The following RBM33 variants were observed in gnomAD, a reference collection of about 807,000 sequenced individuals.
RBM33 encodes RNA binding motif protein 33.
RBM33 carries 28 observed loss-of-function variants against 132.6 expected under a neutral mutation model. That is an observed-to-expected ratio of 0.21 (90% CI 0.16 to 0.29). The LOEUF is 0.29. RBM33 is among the 10% of genes least tolerant of loss of function. The probability of loss-of-function intolerance (pLI) is 1.00; values close to 1 mark genes in which losing one functional copy is unlikely to be tolerated. For synonymous variants in RBM33, 634 were observed against 593.0 expected, an observed-to-expected ratio of 1.07 and a Z score of -1.01; for missense variants, 1,291 against 1,518.5, an observed-to-expected ratio of 0.85 and a Z score of 2.49.
At chr7:155,680,561 C>CT (rs147986860) in intron 4 of RBM33, 29 bp from the exon 5 acceptor site, 17,624 of 1,041,264 alleles carry the variant, frequency 0.017, no homozygotes, top group South Asian at 0.028. Flanking sequence ...TCATTGGGTG[C>CT]TTTTTTTTTT....
intron 11 of RBM33, 154 bp from the exon 12 acceptor site, chr7:155,739,561 A>C (rs776718260): frequency 4.0e-6 from 3 of 743,272 alleles, no homozygotes; most frequent in African/African-American, 3.6e-5. Context: ...ACTGCATTTT[A>C]GATAGTATTA....
At chr7:155,720,463 G>A (rs1032734020) in intron 9 of RBM33, among the ~76,000 whole-genome samples, 9 of 152,046 alleles carry the variant, frequency 5.9e-5, no homozygotes, top group East Asian at 1.9e-4. Flanking sequence ...GCTACCTCTC[G>A]TTGTTTTACT....
chr7:155,644,799 T>C lies in RBM33; in HGVS notation c.-78T>C, dbSNP rs1410956310. ...TCCCTTCTCTGTCCTCCGTCACCCG[T>C]ACCCGGGCCCGGACCAGGCACGTCG... On this transcript the variant is annotated 5_prime_UTR_variant, in exon 1 of 18. Transcript: ENST00000401878. 2.4e-6 allele frequency: 3 copies of C among 1,258,934 alleles called. No individual in the cohort carries two copies. The African/African-American group carries it at 4.7e-5, about 20-fold the overall frequency. The allele number at this position is 1,258,934 out of a possible 1,614,324, so 78.0% of individuals were successfully genotyped here. A position where few individuals can be genotyped will look rare whatever the true frequency, so the allele number is the denominator to read the frequency against.
intron 9 of RBM33, among the ~76,000 whole-genome samples, chr7:155,736,796 C>A (rs1801139902): frequency 6.6e-6 from 1 of 152,186 alleles, no homozygotes; most frequent in Non-Finnish European, 1.5e-5. Context: ...AGATAAATGT[C>A]ATGACATTTA....
At chr7:155,675,281 G>A (rs1462160229) in intron 3 of RBM33, among the ~76,000 whole-genome samples, 1 of 137,856 alleles carries the variant, frequency 7.3e-6, no homozygotes, top group Non-Finnish European at 1.5e-5. Flanking sequence ...GAGACGGAGT[G>A]AGACTCCGTC....
chr7:155,691,657 T>A (rs1195326043), intron 5 of RBM33, among the ~76,000 whole-genome samples: 1 of 152,204 alleles, frequency 6.6e-6, no homozygotes, highest in Non-Finnish European at 1.5e-5. Context: ...AGTATTATCA[T>A]TGCCTGGGTG....
intron 2 of RBM33, among the ~76,000 whole-genome samples, chr7:155,668,774 C>A (rs982732275): frequency 6.6e-6 from 1 of 152,176 alleles, no homozygotes; most frequent in African/African-American, 2.4e-5. Context: ...GTTTTTGAAT[C>A]ATTTTGAAAT....
chr7:155,676,974 A>T (rs1223853235), intron 3 of RBM33, among the ~76,000 whole-genome samples: 1 of 152,196 alleles, frequency 6.6e-6, no homozygotes, highest in Non-Finnish European at 1.5e-5. Context: ...AGAAATACTA[A>T]GAGTTTAACT....
chr7:155,721,237 C>T (rs1800616021), intron 9 of RBM33, among the ~76,000 whole-genome samples: 1 of 152,030 alleles, frequency 6.6e-6, no homozygotes, highest in Admixed American at 6.5e-5. Flanking sequence ...ACACCCGTGC[C>T]AGAGTCCCGG....
chr7:155,766,413 T>C, intron 15 of RBM33, 54 bp from the exon 16 acceptor site: 1 of 1,570,512 alleles, frequency 6.4e-7, no homozygotes, highest in Non-Finnish European at 8.7e-7. Context: ...TCTTAGTGAC[T>C]ATCGAAGAAG....
At chr7:155,645,614 T>C (rs56386518) in intron 1 of RBM33, among the ~76,000 whole-genome samples, 43,384 of 152,188 alleles carry the variant, frequency 0.29, 7,161 homozygotes, top group East Asian at 0.48. Context: ...ATGAAACACC[T>C]ATCTCTAAAA....
chr7:155,670,808 A>T (rs1183636096), intron 2 of RBM33, among the ~76,000 whole-genome samples: 2 of 152,186 alleles, frequency 1.3e-5, no homozygotes, highest in Non-Finnish European at 2.9e-5. Flanking sequence ...GTTTCTCATT[A>T]GTCATGAAAC....
intron 3 of RBM33, among the ~76,000 whole-genome samples, chr7:155,676,144 C>T (rs1332236737): frequency 6.6e-6 from 1 of 152,084 alleles, no homozygotes. Context: ...ACTCCTAAGG[C>T]GCAGATAGCC....
At chr7:155,735,855 C>T (rs1463239339) in intron 9 of RBM33, among the ~76,000 whole-genome samples, 1 of 152,108 alleles carries the variant, frequency 6.6e-6, no homozygotes, top group African/African-American at 2.4e-5. Flanking sequence ...ATATATTCCT[C>T]AGTTACTGAC....
chr7:155,650,378 C>T (rs1378331696), intron 1 of RBM33, among the ~76,000 whole-genome samples: 1 of 152,236 alleles, frequency 6.6e-6, no homozygotes, highest in African/African-American at 2.4e-5. Flanking sequence ...ATTATGTGTT[C>T]TTCCCCTGTT....
chr7:155,684,458 A>G (rs1799417922), intron 5 of RBM33, among the ~76,000 whole-genome samples: 1 of 152,122 alleles, frequency 6.6e-6, no homozygotes, highest in Non-Finnish European at 1.5e-5. Flanking sequence ...TCTTTCTCTC[A>G]TTTGAGAAGG....
Position 155,774,912 on chromosome 7 carries a change from C to A in RBM33, c.3465-81C>A. 1 of 1,283,950 alleles carries A rather than the reference C, an allele frequency of 7.8e-7. No homozygotes were observed. Among genetic ancestry groups the A allele is most frequent in the Non-Finnish European group, 1.1e-6 (1 of 883,388 alleles). The allele number at this position is 1,283,950 out of a possible 1,614,324, so 79.5% of individuals were successfully genotyped here. ...TTTTTATTAAACAGGACCCACCGGG[C>A]TCTTTTAGTTTCCTCCCACCTTGGT... On this transcript the variant is annotated intron_variant, in intron 17 of 17. Coordinates refer to ENST00000401878, the MANE Select transcript of RBM33 (RefSeq NM_053043.3). The surrounding 1 kb of genome is among the most constrained non-coding windows in gnomAD (Gnocchi z 4.2).
intron 5 of RBM33, among the ~76,000 whole-genome samples, chr7:155,683,206 C>T (rs551924893): frequency 1.3e-5 from 2 of 152,216 alleles, no homozygotes; most frequent in East Asian, 1.9e-4. Context: ...CTGAAATGGC[C>T]GCTTCCTTGG....
chr7:155,702,412 C>G (rs1187380224), intron 6 of RBM33, among the ~76,000 whole-genome samples: 1 of 152,122 alleles, frequency 6.6e-6, no homozygotes, highest in Admixed American at 6.5e-5. Context: ...CAAGATTTCC[C>G]TAGACTTTTT....
Sources: gnomAD v4.1 joint callset for allele counts (sites outside exome capture counted in the v4.1 genomes callset) on GRCh38, gnomAD v4.1.1 for gene constraint, Gnocchi (gnomAD v3.1) non-coding constraint, MANE v1.5 for transcripts, NCBI Gene and HGNC (gene_info 2026-07-23, HGNC 2026-07-21) for gene names.